PCDHA6: variants seen among roughly 807,000 people sequenced by gnomAD.
PCDHA6 encodes protocadherin alpha-6.
Under a neutral mutation model 60.3 loss-of-function variants are expected in PCDHA6, and 55 were observed. That is an observed-to-expected ratio of 0.91 (90% CI 0.73 to 1.14). PCDHA6 has a LOEUF of 1.14. Among genes scored for constraint, PCDHA6 ranks in the 50% most tolerant of loss-of-function variants. The pLI, the probability that PCDHA6 is intolerant of heterozygous loss-of-function variation, is 0.00. For synonymous variants in PCDHA6, 652 were observed against 557.9 expected (o/e 1.17, Z -2.38); for missense variants, 1,327 against 1,256.5 (o/e 1.06, Z -0.85).
intron 1 of PCDHA6, among the ~76,000 whole-genome samples, chr5:140,907,205 G>T (rs549918744): frequency 2.0e-5 from 3 of 152,196 alleles, no homozygotes; most frequent in East Asian, 3.9e-4. Context: ...GGAGAATTTT[G>T]CCCCAGCCCT....
At chr5:140,926,301 C>T (rs1554203262) in intron 1 of PCDHA6, 1 of 152,336 alleles carries the variant, frequency 6.6e-6, no homozygotes, top group Non-Finnish European at 1.5e-5. Flanking sequence ...GTCCCGCCCT[C>T]TCCGCCGGAG....
At chr5:141,007,395 CAA>C (rs35800918) in intron 3 of PCDHA6, among the ~76,000 whole-genome samples, 1,140 of 94,858 alleles carry the variant, frequency 0.012, 9 homozygotes, top group South Asian at 0.036. Context: ...TACTAAAATA[CAA>C]AAAAAAAAAA....
At chr5:140,973,342 A>ATAGTAATT (rs1437052159) in intron 1 of PCDHA6, among the ~76,000 whole-genome samples, 4 of 152,344 alleles carry the variant, frequency 2.6e-5, no homozygotes, top group Admixed American at 2.6e-4. Context: ...GTAAAGTGAC[A>ATAGTAATT]TAGTAGTGAA....
At chr5:140,871,284 T>G in intron 1 of PCDHA6, 1 of 1,613,896 alleles carries the variant, frequency 6.2e-7, no homozygotes. Flanking sequence ...CAACGCCCAC[T>G]GAGGGCGCGT....
At chr5:140,868,865 G>A (rs1554162260) in intron 1 of PCDHA6, 2 of 582,344 alleles carry the variant, frequency 3.4e-6, no homozygotes. Context: ...GGTAAATGCA[G>A]TGCACAGTAC....
chr5:140,863,417 G>A (rs182048002), intron 1 of PCDHA6: 5 of 701,164 alleles, frequency 7.1e-6, no homozygotes, highest in Non-Finnish European at 9.9e-6. Flanking sequence ...CTGGTGTACC[G>A]CAGCGTAGTG....
At chr5:140,873,489 C>G (rs2054319766) in intron 1 of PCDHA6, among the ~76,000 whole-genome samples, 1 of 152,054 alleles carries the variant, frequency 6.6e-6, no homozygotes, top group Admixed American at 6.6e-5. Context: ...CTGATTTCTG[C>G]AAAGTTGTGT....
chr5:141,001,360 A>G (rs1432580617), intron 3 of PCDHA6, among the ~76,000 whole-genome samples: 2 of 152,212 alleles, frequency 1.3e-5, no homozygotes, highest in Non-Finnish European at 2.9e-5. Flanking sequence ...GTTTAAGCCT[A>G]CTATTCTGAT....
At chr5:140,861,615 C>G (rs2046996028) in intron 1 of PCDHA6, 1 of 348,276 alleles carries the variant, frequency 2.9e-6, no homozygotes, top group African/African-American at 2.1e-5. Context: ...TAAAGACAAC[C>G]TGCCAGTGTT....
intron 1 of PCDHA6, chr5:140,857,668 C>T (rs1319713687): frequency 6.3e-7 from 1 of 1,596,856 alleles, no homozygotes. Flanking sequence ...GCGATGGGGG[C>T]GTGCCGCCTC....
Position 140,853,387 on chromosome 5 carries a change from C to T in PCDHA6, c.2394+22902C>T, listed in dbSNP as rs2150531459. 3.0e-6 allele frequency: 3 copies of T among 985,448 alleles called. No homozygotes were observed. In the Admixed American group the frequency reaches 1.9e-4, roughly 62 times the overall value. The allele number at this position is 985,448 out of a possible 1,614,324, so 61.0% of individuals were successfully genotyped here. ...CCAGAGATGGTAAAATTCAAAACAGCCTGTCAAGTTCAAAACAGAGAGGTG... is the reference window on the plus strand; with the variant it reads ...CCAGAGATGGTAAAATTCAAAACAGTCTGTCAAGTTCAAAACAGAGAGGTG... On this transcript the variant is annotated intron_variant, in intron 1 of 3. Coordinates refer to ENST00000529310, the MANE Select transcript of PCDHA6 (RefSeq NM_018909.4).
intron 1 of PCDHA6, chr5:140,928,062 C>G: frequency 6.2e-7 from 1 of 1,614,194 alleles, no homozygotes; most frequent in Non-Finnish European, 8.5e-7. Context: ...TGACGGCTTC[C>G]TTTGACAACT....
chr5:140,917,942 A>G (rs781844380), intron 1 of PCDHA6, among the ~76,000 whole-genome samples: 5 of 152,048 alleles, frequency 3.3e-5, no homozygotes, highest in African/African-American at 4.8e-5. Flanking sequence ...TAATATTGGT[A>G]GTTTGATAGG....
chr5:140,931,473 A>G (rs2087545332), intron 1 of PCDHA6, among the ~76,000 whole-genome samples: 1 of 152,066 alleles, frequency 6.6e-6, no homozygotes, highest in Admixed American at 6.6e-5. Flanking sequence ...TGACAGAGGA[A>G]AAAACAACCC....
At chr5:140,875,773 G>C in intron 1 of PCDHA6, 1 of 1,614,268 alleles carries the variant, frequency 6.2e-7, no homozygotes, top group Non-Finnish European at 8.5e-7. Context: ...GCGGAGCGCG[G>C]AGTGCAGTAT....
At chr5:140,946,477 T>C (rs1223421073) in intron 1 of PCDHA6, among the ~76,000 whole-genome samples, 2 of 151,720 alleles carry the variant, frequency 1.3e-5, no homozygotes, top group Non-Finnish European at 2.9e-5. Flanking sequence ...ACTGGGTATA[T>C]ATCCAAAGGA....
intron 1 of PCDHA6, chr5:140,930,374 C>G (rs549190703): frequency 6.6e-6 from 1 of 151,988 alleles, no homozygotes; most frequent in South Asian, 2.1e-4. Flanking sequence ...TGTTAGTGGC[C>G]CTTGGCATTT....
intron 3 of PCDHA6, among the ~76,000 whole-genome samples, chr5:141,007,801 G>A (rs559830556): frequency 2.6e-5 from 4 of 152,148 alleles, no homozygotes; most frequent in African/African-American, 7.2e-5. Flanking sequence ...GCCTTTATCT[G>A]CCATTCATTT....
chr5:140,917,336 G>C (rs1183036523), intron 1 of PCDHA6, among the ~76,000 whole-genome samples: 1 of 144,856 alleles, frequency 6.9e-6, no homozygotes, highest in Non-Finnish European at 1.5e-5. Context: ...GGGGAGGGGG[G>C]GGATGGTGTA....
Sources: gnomAD v4.1 joint callset for allele counts (sites outside exome capture counted in the v4.1 genomes callset) on GRCh38, gnomAD v4.1.1 for gene constraint, MANE v1.5 for transcripts, NCBI Gene and HGNC (gene_info 2026-07-23, HGNC 2026-07-21) for gene names.